Variants in PCDHGA3 observed in about 807,000 individuals in gnomAD.
PCDHGA3 encodes protocadherin gamma subfamily A, 3, also known as protocadherin gamma-A3.
In PCDHGA3, 40 loss-of-function variants were observed where a neutral mutation model predicts 58.5. The ratio of observed to expected loss-of-function variants is 0.68; its 90% CI spans 0.53 to 0.89. The LOEUF is 0.89. PCDHGA3 is among the 40% of genes least tolerant of loss of function. The pLI, the probability that PCDHGA3 is intolerant of heterozygous loss-of-function variation, is 0.00. For missense variants in PCDHGA3, 1,223 were observed against 1,195.9 expected (o/e 1.02, Z -0.33); for synonymous variants, 530 against 525.7 (o/e 1.01, Z -0.11).
In PCDHGA3 at chr5:141,432,039, G is replaced by A; in HGVS notation, c.2425-62768G>A. 1 of 1,614,176 alleles carries A rather than the reference G, an allele frequency of 6.2e-7. No individual in the cohort carries two copies. The highest frequency in any genetic ancestry group is 8.5e-7 in the Non-Finnish European group (1 of 1,180,028). ...AACATCACAGTGACCGCCACTGACC[G>A]GGGAACCCCGCCCCTATCCACGGAA... On this transcript the variant is annotated intron_variant, in intron 1 of 3. Coordinates refer to ENST00000253812, the MANE Select transcript of PCDHGA3 (RefSeq NM_018916.4). This position sits in a 1 kb window ranked among gnomAD's most constrained non-coding sequence, Gnocchi z 6.0.
intron 1 of PCDHGA3, chr5:141,478,633 T>C: frequency 6.4e-7 from 1 of 1,553,032 alleles, no homozygotes; most frequent in Non-Finnish European, 8.7e-7. Context: ...GTTTTTTTAG[T>C]GATGAAGATG....
chr5:141,410,781 T>C, intron 1 of PCDHGA3: 2 of 937,378 alleles, frequency 2.1e-6, no homozygotes, highest in Non-Finnish European at 1.5e-6. Flanking sequence ...TCACTATGTA[T>C]TTGGTTCATA....
intron 1 of PCDHGA3, chr5:141,384,537 G>A: frequency 1.2e-6 from 2 of 1,614,248 alleles, no homozygotes; most frequent in Non-Finnish European, 1.7e-6. Flanking sequence ...GCAGCAACAT[G>A]TCACTGAGCC....
chr5:141,430,805 C>T (rs1445689047), intron 1 of PCDHGA3: 2 of 1,525,722 alleles, frequency 1.3e-6, no homozygotes, highest in Admixed American at 2.3e-5. Flanking sequence ...GCTTGTCCTG[C>T]TGGGAATCCT....
chr5:141,361,855 C>G, intron 1 of PCDHGA3: 1 of 1,612,444 alleles, frequency 6.2e-7, no homozygotes, highest in African/African-American at 1.3e-5. Flanking sequence ...TGGCTCCGCC[C>G]TCTTCGATAT....
At chr5:141,397,195 G>T (rs2093485269) in intron 1 of PCDHGA3, among the ~76,000 whole-genome samples, 1 of 152,150 alleles carries the variant, frequency 6.6e-6, no homozygotes, top group Non-Finnish European at 1.5e-5. Context: ...TACTGTAAAA[G>T]ATATGACATA....
At chr5:141,421,930 G>A (rs780569992) in intron 1 of PCDHGA3, 1 of 1,613,480 alleles carries the variant, frequency 6.2e-7, no homozygotes, top group Non-Finnish European at 8.5e-7. Flanking sequence ...GGTGGTCCTC[G>A]ATGTAAATGA....
Position 141,418,145 on chromosome 5 carries a change from T to C in PCDHGA3, c.2424+71688T>C, listed in dbSNP as rs1329322927. On this transcript the variant is annotated intron_variant, in intron 1 of 3. Coordinates refer to ENST00000253812, the MANE Select transcript of PCDHGA3 (RefSeq NM_018916.4). ...GGACCGAATAGACCGTGAGCAAATATGCAAAGAGAGAAGAAGATGTGAGTT... is the reference window on the plus strand; with the variant it reads ...GGACCGAATAGACCGTGAGCAAATACGCAAAGAGAGAAGAAGATGTGAGTT... The C allele has an allele frequency of 5.6e-6, 9 of 1,613,934 alleles. No homozygotes were observed. In the African/African-American group the frequency reaches 8.0e-5, roughly 14 times the overall value.
At chr5:141,394,310 GC>G in intron 1 of PCDHGA3, 6 of 1,613,936 alleles carry the variant, frequency 3.7e-6, no homozygotes, top group Non-Finnish European at 5.1e-6. Context: ...TGCAGGGGGC[GC>G]CCCTGTCCTC....
Position 141,487,933 on chromosome 5 carries a change from A to G in PCDHGA3, c.2425-6874A>G. ...CACAGGAGGCTACAGTGCACAGGGT[A>G]CAGTGCACCAGGCAGTCACTTGGAC... is the stretch of plus-strand genomic sequence containing the variant. On this transcript the variant is annotated intron_variant, in intron 1 of 3. Coordinates refer to ENST00000253812, the MANE Select transcript of PCDHGA3 (RefSeq NM_018916.4). This position sits in a 1 kb window ranked among gnomAD's most constrained non-coding sequence, Gnocchi z 5.0. 1 of 612,006 alleles carries G rather than the reference A, an allele frequency of 1.6e-6. No homozygotes were observed. Among genetic ancestry groups the G allele is most frequent in the South Asian group, 2.0e-5 (1 of 49,074 alleles). The allele number at this position is 612,006 out of a possible 1,614,324, so 37.9% of individuals were successfully genotyped here. A position where few individuals can be genotyped will look rare whatever the true frequency, so the allele number is the denominator to read the frequency against.
In PCDHGA3 at chr5:141,419,702, G is replaced by A. The variant is rs116279995; in HGVS notation, c.2424+73245G>A. 1.9e-3 allele frequency: 3,028 copies of A among 1,612,950 alleles called. 48 individuals are homozygous for A. In the African/African-American group the frequency reaches 0.033, roughly 18 times the overall value. The stretch of plus-strand genomic sequence containing the variant: ...CCACGTGGTGCAGGCCAGTGAGCCC[G>A]GGCTCTTCAGCCTGGGGCTGCGAAC... On this transcript the variant is annotated intron_variant, in intron 1 of 3. Transcript: ENST00000253812.
chr5:141,421,562 A>G (rs1326874908), intron 1 of PCDHGA3: 1 of 1,613,992 alleles, frequency 6.2e-7, no homozygotes, highest in South Asian at 1.1e-5. Context: ...CTTCTCGTGG[A>G]AGACACCTTG....
intron 3 of PCDHGA3, among the ~76,000 whole-genome samples, chr5:141,508,984 C>G (rs1039260828): frequency 4.7e-4 from 72 of 152,154 alleles, no homozygotes; most frequent in African/African-American, 1.7e-3. Context: ...GGGTGGGGGC[C>G]AGCTGGGGTA....
chr5:141,442,650 G>A (rs192694987), intron 1 of PCDHGA3, among the ~76,000 whole-genome samples: 83 of 152,350 alleles, frequency 5.4e-4, no homozygotes, highest in Admixed American at 9.1e-4. Flanking sequence ...CCTAAGATGA[G>A]AAATATTTGG....
intron 1 of PCDHGA3, chr5:141,398,938 G>A: frequency 6.2e-7 from 1 of 1,613,958 alleles, no homozygotes; most frequent in African/African-American, 1.3e-5. Context: ...TGACCAAGAC[G>A]AGGGCATCAA....
At chr5:141,414,043 G>A in intron 1 of PCDHGA3, 1 of 1,611,348 alleles carries the variant, frequency 6.2e-7, no homozygotes, top group Non-Finnish European at 8.5e-7. Context: ...AAAATTACCT[G>A]ACACGCAATT....
chr5:141,384,523 C>T, intron 1 of PCDHGA3: 3 of 1,614,256 alleles, frequency 1.9e-6, no homozygotes, highest in South Asian at 1.1e-5. Context: ...GGACCCGCCT[C>T]TCAGCAGCAA....
chr5:141,476,417 C>A lies in PCDHGA3; in HGVS notation c.2425-18390C>A. ...GGATCGAGAGGAGCTGTGTGGGACA[C>A]TGCCCTCTTGCACTGTAACTCTGGA... is the stretch of plus-strand genomic sequence containing the variant. On this transcript the variant is annotated intron_variant, in intron 1 of 3. Coordinates refer to ENST00000253812, the MANE Select transcript of PCDHGA3 (RefSeq NM_018916.4). This position sits in a 1 kb window ranked among gnomAD's most constrained non-coding sequence, Gnocchi z 7.6. The A allele has an allele frequency of 6.2e-7, 1 of 1,614,112 alleles. No homozygotes were observed. The highest frequency in any genetic ancestry group is 8.5e-7 in the Non-Finnish European group (1 of 1,179,994).
At chr5:141,394,753 A>G (rs2093084981) in intron 1 of PCDHGA3, 1 of 1,613,278 alleles carries the variant, frequency 6.2e-7, no homozygotes, top group Admixed American at 1.7e-5. Context: ...GTGGCCGTCC[A>G]GGACCATGGC....
Sources: allele counts gnomAD v4.1 joint callset (sites outside exome capture counted in the v4.1 genomes callset), GRCh38; gene constraint gnomAD v4.1.1; non-coding constraint Gnocchi (gnomAD v3.1); transcripts MANE v1.5; gene names NCBI Gene and HGNC (gene_info 2026-07-23, HGNC 2026-07-21).